Variants in TPP2 observed in about 807,000 individuals in gnomAD.
TPP2 encodes the protein tripeptidyl-peptidase 2.
A neutral mutation model predicts 155.9 loss-of-function variants in TPP2; 34 were observed. That is an observed-to-expected ratio of 0.22 (90% CI 0.17 to 0.29). TPP2 has a LOEUF of 0.29. Among genes scored for constraint, TPP2 ranks in the 10% least tolerant of loss-of-function variants. The pLI is 1.00. For missense variants in TPP2, 1,028 were observed against 1,522.3 expected (o/e 0.68, Z 5.40); for synonymous variants, 510 against 529.4 (o/e 0.96, Z 0.50).
intron 5 of TPP2, among the ~76,000 whole-genome samples, chr13:102,620,067 G>A (rs1881040818): frequency 6.6e-6 from 1 of 152,218 alleles, no homozygotes; most frequent in Non-Finnish European, 1.5e-5. Flanking sequence ...ATTGAGTAGT[G>A]AGGCAATAGG....
intron 21 of TPP2, among the ~76,000 whole-genome samples, chr13:102,647,630 C>T (rs567722708): frequency 6.6e-6 from 1 of 152,252 alleles, no homozygotes; most frequent in East Asian, 1.9e-4. Flanking sequence ...CCTTCCTATA[C>T]ACTGATTCTA....
chr13:102,605,943 C>T (rs150771211), intron 2 of TPP2, among the ~76,000 whole-genome samples: 1,612 of 152,132 alleles, frequency 0.011, 27 homozygotes, highest in African/African-American at 0.037. Flanking sequence ...AGGCTGGTCT[C>T]GAACTCTTGA....
intron 16 of TPP2, among the ~76,000 whole-genome samples, chr13:102,640,938 C>A (rs112874176): frequency 1.3e-5 from 2 of 152,194 alleles, no homozygotes; most frequent in African/African-American, 4.8e-5. Flanking sequence ...GCATGAGCAA[C>A]TGTGCCCGGC....
In TPP2 at chr13:102,597,112, C is replaced by G. The variant is rs754902093; in HGVS notation, c.74C>G (p.Ser25Cys). 3 of 1,611,284 alleles carry G rather than the reference C, an allele frequency of 1.9e-6. No individual in the cohort carries two copies. The East Asian group carries it at 6.7e-5, about 36-fold the overall frequency. Residue 25 changes from serine to cysteine, a missense_variant, in exon 1 of 30, where the codon TCC becomes TGC. Ser to Cys is a moderately radical substitution (Grantham distance 112, BLOSUM62 -1). Transcript: ENST00000376052. ...LLPKKETGAA[S>C]FLCRYPEYDG... ...CCGAAGAAGGAGACCGGAGCCGCCT[C>G]CTTCCTCTGCCGCTACCCGGAGTAT...
rs780994899 is a variant in TPP2 at position 102,618,882 on chromosome 13, A to C, written c.620+36A>C. Reference sequence around the variant, plus strand: ...TGTATTTTATACATCTTCATTTACAAATGTTTTCTTTTCTACTCTGAAAAA... The same window carrying C: ...TGTATTTTATACATCTTCATTTACACATGTTTTCTTTTCTACTCTGAAAAA... On this transcript the variant is annotated intron_variant, in intron 5 of 29. Transcript: ENST00000376052. 5.1e-6 allele frequency: 8 copies of C among 1,573,144 alleles called. No homozygotes were observed. The African/African-American group carries it at 9.6e-5, about 19-fold the overall frequency.
chr13:102,603,741 A>G (rs1307234883), intron 1 of TPP2, among the ~76,000 whole-genome samples: 1 of 152,204 alleles, frequency 6.6e-6, no homozygotes, highest in African/African-American at 2.4e-5. Flanking sequence ...GAGTATCGCA[A>G]ATTCGAAAGT....
intron 15 of TPP2, among the ~76,000 whole-genome samples, chr13:102,639,031 C>T (rs1452913086): frequency 6.6e-6 from 1 of 152,190 alleles, no homozygotes; most frequent in Non-Finnish European, 1.5e-5. Flanking sequence ...AATTTCCTGT[C>T]TCTTCAGTTA....
Position 102,663,699 on chromosome 13 carries a change from T to C in TPP2, c.3195T>C (p.Tyr1065=). Residue 1065 remains tyrosine (Y), a synonymous_variant, in exon 26 of 30, where the codon TAT becomes TAC. Coordinates refer to ENST00000376052, the MANE Select transcript of TPP2 (RefSeq NM_001330588.2). ...AATTGAAAGAAACATATCCTAATTATCTTCCTCTGTACGTTGCACGACTTC... is the reference window on the plus strand; with the variant it reads ...AATTGAAAGAAACATATCCTAATTACCTTCCTCTGTACGTTGCACGACTTC... The part of the protein sequence containing the change: ...YNELKETYPN[Y]LPLYVARLHQ... The C allele has an allele frequency of 6.2e-7, 1 of 1,609,084 alleles. No individual in the cohort carries two copies. Among genetic ancestry groups the C allele is most frequent in the Non-Finnish European group, 8.5e-7 (1 of 1,178,300 alleles).
At chr13:102,646,521 A>G in intron 20 of TPP2, 131 bp downstream of exon 20, 1 of 591,858 alleles carries the variant, frequency 1.7e-6, no homozygotes, top group South Asian at 2.7e-5. Context: ...TTAACAGTTA[A>G]TTTGGAATTA....
chr13:102,675,642 T>C (rs1209210776), intron 28 of TPP2, among the ~76,000 whole-genome samples: 3 of 152,218 alleles, frequency 2.0e-5, no homozygotes, highest in Non-Finnish European at 2.9e-5. Flanking sequence ...GATGAACATA[T>C]AATAAAATTG....
At chr13:102,642,488 A>T (rs901239933) in intron 16 of TPP2, among the ~76,000 whole-genome samples, 1 of 152,144 alleles carries the variant, frequency 6.6e-6, no homozygotes, top group African/African-American at 2.4e-5. Context: ...AGAGAATTTA[A>T]CAGTCTTAGT....
intron 1 of TPP2, among the ~76,000 whole-genome samples, chr13:102,602,608 C>T (rs142428570): frequency 5.3e-5 from 8 of 152,056 alleles, no homozygotes; most frequent in South Asian, 2.1e-4. Flanking sequence ...TTGCTTTGTC[C>T]GGTAAAGGAA....
chr13:102,637,046 A>T, intron 13 of TPP2, 36 bp from the exon 14 acceptor site: 2 of 1,554,514 alleles, frequency 1.3e-6, no homozygotes, highest in Non-Finnish European at 1.7e-6. Context: ...AAGGAAAAAA[A>T]TACTCATCTT....
In TPP2 at chr13:102,597,148, G is replaced by A. The variant is rs1300748717; in HGVS notation, c.110G>A (p.Gly37Glu). 6 of 1,608,562 alleles carry A rather than the reference G, an allele frequency of 3.7e-6. No homozygotes were observed. The highest frequency in any genetic ancestry group is 3.3e-5 in the Admixed American group (2 of 59,816). Residue 37 changes from glycine (G) to glutamate (E), a missense_variant, in exon 1 of 30, where the codon GGG (glycine) becomes GAG (glutamate). By Grantham distance (98) the Gly-to-Glu change is moderately conservative. Transcript: ENST00000376052. ...CGCTACCCGGAGTATGATGGGCGGG[G>A]GGTGCTCATCGCAGTCCTGGACACG... is the stretch of plus-strand genomic sequence containing the variant. ...LCRYPEYDGR[G>E]VLIAVLDTGV... is the part of the protein sequence containing the mutation.
intron 6 of TPP2, among the ~76,000 whole-genome samples, chr13:102,625,534 A>T (rs1881551286): frequency 6.6e-6 from 1 of 152,140 alleles, no homozygotes; most frequent in African/African-American, 2.4e-5. Flanking sequence ...GGTGTGTGAG[A>T]ATTCCAGGTG....
chr13:102,650,644 C>T (rs1480965583), intron 23 of TPP2, among the ~76,000 whole-genome samples: 3 of 152,124 alleles, frequency 2.0e-5, no homozygotes, highest in Non-Finnish European at 4.4e-5. Flanking sequence ...AATTTTCGTT[C>T]AGATGACAGA....
intron 27 of TPP2, among the ~76,000 whole-genome samples, chr13:102,670,801 CT>C (rs1884923966): frequency 6.6e-6 from 1 of 152,114 alleles, no homozygotes; most frequent in African/African-American, 2.4e-5. Context: ...TAGTATTTAA[CT>C]TTTTAAGGTC....
chr13:102,654,568 G>C (rs1883724466), intron 24 of TPP2, among the ~76,000 whole-genome samples: 1 of 152,022 alleles, frequency 6.6e-6, no homozygotes, highest in African/African-American at 2.4e-5. Flanking sequence ...ATACCTCTGA[G>C]TCTGAGGAGG....
rs149648532 is a variant in TPP2 at position 102,623,166 on chromosome 13, A to G, written c.784+126A>G. ...AGATCGTAGCTAAAGGACTAGGTCC[A>G]GAATCATAAAGGTGATTTGATTTAC... On this transcript the variant is annotated intron_variant, in intron 6 of 29. Transcript: ENST00000376052. 5.4e-4 allele frequency: 544 copies of G among 1,013,930 alleles called. 7 individuals are homozygous for G. The East Asian group carries it at 0.012, about 23-fold the overall frequency. 62.8% of individuals were successfully genotyped at this position (1,013,930 alleles called of 1,614,324 possible). A position where few individuals can be genotyped will look rare whatever the true frequency, so the allele number is the denominator to read the frequency against.
Sources: allele counts gnomAD v4.1 joint callset (sites outside exome capture counted in the v4.1 genomes callset), GRCh38; gene constraint gnomAD v4.1.1; transcripts MANE v1.5; gene names NCBI Gene and HGNC (gene_info 2026-07-23, HGNC 2026-07-21).